The following SNX24 variants were observed in gnomAD, a reference collection of about 807,000 sequenced individuals.
The protein encoded by SNX24 is sorting nexin 24, also known as sorting nexin-24.
SNX24 carries 22 observed loss-of-function variants against 28.7 expected under a neutral mutation model. The ratio of observed to expected loss-of-function variants is 0.77; its 90% CI spans 0.55 to 1.10. SNX24 has a LOEUF of 1.10. Among genes scored for constraint, SNX24 ranks in the 50% least tolerant of loss-of-function variants. SNX24 has a pLI of 0.00. For synonymous variants in SNX24, 69 were observed against 71.5 expected, an observed-to-expected ratio of 0.96 and a Z score of 0.18; for missense variants, 221 against 201.1, an observed-to-expected ratio of 1.10 and a Z score of -0.60.
intron 1 of SNX24, among the ~76,000 whole-genome samples, chr5:122,933,230 C>A (rs1444012504): frequency 1.3e-5 from 2 of 152,154 alleles, no homozygotes; most frequent in Non-Finnish European, 2.9e-5. Context: ...TAACTAATGC[C>A]TCGTGAATTA....
chr5:123,010,291 A>C (rs528440683), downstream of SNX24, among the ~76,000 whole-genome samples: 173 of 142,442 alleles, frequency 1.2e-3, 2 homozygotes, highest in South Asian at 0.018. Context: ...AGATGATGGA[A>C]CTTTTTTTTT....
At chr5:122,986,411 GT>G (rs1269250617) in intron 3 of SNX24, among the ~76,000 whole-genome samples, 3 of 152,154 alleles carry the variant, frequency 2.0e-5, no homozygotes, top group Non-Finnish European at 4.4e-5. Context: ...AACATTTTGA[GT>G]TCAGATAGAA....
chr5:122,914,778 C>T (rs2150094692), intron 1 of SNX24, among the ~76,000 whole-genome samples: 1 of 152,054 alleles, frequency 6.6e-6, no homozygotes, highest in South Asian at 2.1e-4. Flanking sequence ...CTATTTGATT[C>T]TTCTCTCTAT....
chr5:122,884,937 A>G (rs2150064559), intron 1 of SNX24, among the ~76,000 whole-genome samples: 1 of 152,318 alleles, frequency 6.6e-6, no homozygotes, highest in East Asian at 1.9e-4. Context: ...TCTGCTTAGG[A>G]CCATTGTACC....
At chr5:122,862,686 T>TG (rs1755527369) in intron 1 of SNX24, among the ~76,000 whole-genome samples, 1 of 135,028 alleles carries the variant, frequency 7.4e-6, no homozygotes, top group Admixed American at 7.3e-5. Context: ...ACAAGGCATG[T>TG]TTTTTTTTTT....
At chr5:122,872,048 G>C (rs945392867) in intron 1 of SNX24, among the ~76,000 whole-genome samples, 6 of 150,856 alleles carry the variant, frequency 4.0e-5, no homozygotes, top group African/African-American at 1.5e-4. Flanking sequence ...TGTTATTTCT[G>C]ATACTTCTAA....
intron 5 of SNX24, among the ~76,000 whole-genome samples, chr5:123,017,302 A>C (rs1162907582): frequency 6.6e-6 from 1 of 152,074 alleles, no homozygotes; most frequent in Non-Finnish European, 1.5e-5. Flanking sequence ...TCTTAGGTCA[A>C]ATCTCACCTG....
At chr5:122,998,265 T>C (rs1444324627) in intron 3 of SNX24, 1 of 152,064 alleles carries the variant, frequency 6.6e-6, no homozygotes, top group African/African-American at 2.4e-5. Context: ...GATGGACGGA[T>C]GAATGCATTG....
chr5:122,908,794 A>G (rs1757755907), intron 1 of SNX24, among the ~76,000 whole-genome samples: 1 of 152,206 alleles, frequency 6.6e-6, no homozygotes, highest in African/African-American at 2.4e-5. Flanking sequence ...ATGTCCTGAT[A>G]GGGGAAGATC....
At chr5:122,968,299 A>G (rs1760801079) in intron 3 of SNX24, among the ~76,000 whole-genome samples, 1 of 152,208 alleles carries the variant, frequency 6.6e-6, no homozygotes, top group African/African-American at 2.4e-5. Context: ...GCAAGCTGAG[A>G]TCATGCCACT....
intron 1 of SNX24, among the ~76,000 whole-genome samples, chr5:122,915,915 A>G (rs1190408606): frequency 6.6e-6 from 1 of 152,212 alleles, no homozygotes; most frequent in Non-Finnish European, 1.5e-5. Flanking sequence ...CCCAGGCTTC[A>G]GGCCTGTTTC....
intron 2 of SNX24, among the ~76,000 whole-genome samples, chr5:122,939,467 G>A (rs1483135336): frequency 1.3e-5 from 2 of 152,116 alleles, no homozygotes; most frequent in African/African-American, 4.8e-5. Context: ...TACAATATTA[G>A]CCATTTGCTG....
chr5:122,982,804 T>C (rs1398861747), intron 3 of SNX24, among the ~76,000 whole-genome samples: 2 of 152,212 alleles, frequency 1.3e-5, no homozygotes, highest in Non-Finnish European at 2.9e-5. Context: ...AAAACTGACA[T>C]TAAATTTAAA....
At chr5:123,023,799 G>GACACC in intron 5 of SNX24, 1 of 1,202,640 alleles carries the variant, frequency 8.3e-7, no homozygotes, top group Non-Finnish European at 1.1e-6. Flanking sequence ...ATAATTGAAA[G>GACACC]ACAACACAAC....
intron 1 of SNX24, among the ~76,000 whole-genome samples, chr5:122,895,860 G>A (rs1481961210): frequency 1.3e-5 from 2 of 151,890 alleles, no homozygotes; most frequent in Non-Finnish European, 2.9e-5. Context: ...CAGAAATATA[G>A]CAGCAAGGCC....
intron 1 of SNX24, among the ~76,000 whole-genome samples, chr5:122,860,627 G>A (rs939460642): frequency 6.6e-6 from 1 of 152,098 alleles, no homozygotes; most frequent in Non-Finnish European, 1.5e-5. Flanking sequence ...ACACAGTCTC[G>A]CTCTGTTGCC....
intron 3 of SNX24, among the ~76,000 whole-genome samples, chr5:122,952,027 G>A (rs1475780584): frequency 6.6e-6 from 1 of 152,190 alleles, no homozygotes; most frequent in Non-Finnish European, 1.5e-5. Flanking sequence ...AATATAAACT[G>A]TTTCATGCAC....
chr5:123,019,791 G>C (rs1333233120), intron 5 of SNX24, among the ~76,000 whole-genome samples: 2 of 152,202 alleles, frequency 1.3e-5, no homozygotes, highest in Non-Finnish European at 2.9e-5. Context: ...CTGCAAAACA[G>C]TGAACTATTT....
intron 4 of SNX24, 124 bp from the exon 5 acceptor site, chr5:123,001,281 C>A: frequency 1.4e-6 from 1 of 692,548 alleles, no homozygotes; most frequent in Non-Finnish European, 2.6e-6. Flanking sequence ...AAACTCACAG[C>A]TCTTTTAAAA....
Sources: gnomAD v4.1 joint callset for allele counts (sites outside exome capture counted in the v4.1 genomes callset) on GRCh38, gnomAD v4.1.1 for gene constraint, MANE v1.5 for transcripts, NCBI Gene and HGNC (gene_info 2026-07-23, HGNC 2026-07-21) for gene names.